Variants in TPP2 observed in about 807,000 individuals in gnomAD.
TPP2 encodes the protein tripeptidyl-peptidase 2.
TPP2 carries 34 observed loss-of-function variants against 155.9 expected under a neutral mutation model. The ratio of observed to expected loss-of-function variants is 0.22; its 90% CI spans 0.17 to 0.29. The LOEUF (loss-of-function observed/expected upper bound fraction) is 0.29, where lower values mean the gene tolerates loss of function less well. Among genes scored for constraint, TPP2 ranks in the 10% least tolerant of loss-of-function variants. The pLI is 1.00. For missense variants in TPP2, 1,028 were observed against 1,522.3 expected (o/e 0.68, Z 5.40); for synonymous variants, 510 against 529.4 (o/e 0.96, Z 0.50).
intron 16 of TPP2, among the ~76,000 whole-genome samples, chr13:102,642,209 A>G (rs991295109): frequency 6.6e-6 from 1 of 152,144 alleles, no homozygotes; most frequent in Non-Finnish European, 1.5e-5. Context: ...CTCACACTTG[A>G]CAGTACTTCT....
At chr13:102,638,899 T>C (rs1416085015) in intron 15 of TPP2, among the ~76,000 whole-genome samples, 1 of 152,218 alleles carries the variant, frequency 6.6e-6, no homozygotes, top group East Asian at 1.9e-4. Flanking sequence ...CTCACAATTA[T>C]AGCCCTAGCC....
intron 2 of TPP2, among the ~76,000 whole-genome samples, chr13:102,612,746 A>G (rs577917657): frequency 1.6e-4 from 25 of 152,270 alleles, no homozygotes; most frequent in African/African-American, 5.8e-4. Flanking sequence ...GCAGACTTTG[A>G]TCTCATTTAT....
In TPP2 at chr13:102,634,079, C is replaced by G. The variant is rs1255698456; in HGVS notation, c.1374C>G (p.Gly458=). ...TGTCTTCCCCCAATGCATGTGGAGG[C>G]ATTGCCCTGATCCTTTCAGGTAAGC... ...TSMSSPNACG[G]IALILSGLKA... is the part of the protein sequence containing the mutation. The change falls in exon 11 of 30, where the codon GGC becomes GGG. Residue 458 remains glycine (G), a synonymous_variant. Coordinates refer to ENST00000376052, the MANE Select transcript of TPP2 (RefSeq NM_001330588.2). 6.2e-7 allele frequency: 1 copy of G among 1,614,090 alleles called. No homozygotes were observed. The highest frequency in any genetic ancestry group is 8.5e-7 in the Non-Finnish European group (1 of 1,179,952).
At chr13:102,645,137 C>A in intron 19 of TPP2, 128 bp downstream of exon 19, 1 of 849,490 alleles carries the variant, frequency 1.2e-6, no homozygotes, top group Non-Finnish European at 1.8e-6. Context: ...TTATCCTTGC[C>A]AGCAGATCTC....
intron 27 of TPP2, 120 bp from the exon 28 acceptor site, chr13:102,674,153 GTACCTGGATA>G: frequency 1.1e-6 from 1 of 920,086 alleles, no homozygotes. Context: ...ACAATTGTAC[GTACCTGGATA>G]TACAGTATTT....
rs1881890530 is a variant in TPP2 at position 102,629,750 on chromosome 13, A to C, written c.1144+141A>C. On this transcript the variant is annotated intron_variant, in intron 9 of 29. Coordinates refer to ENST00000376052, the MANE Select transcript of TPP2 (RefSeq NM_001330588.2). ...GTCCTCAGGAAACTTATAGTCTGGT[A>C]GGGGAACCAGCACATCTAGAACTGA... 5.0e-6 allele frequency: 6 copies of C among 1,189,180 alleles called. No homozygotes were observed. The East Asian group carries it at 1.7e-4, about 34-fold the overall frequency. 73.7% of individuals were successfully genotyped at this position (1,189,180 alleles called of 1,614,324 possible). A position where few individuals can be genotyped will look rare whatever the true frequency, so the allele number is the denominator to read the frequency against.
At chr13:102,647,720 A>G (rs1345506872) in intron 21 of TPP2, among the ~76,000 whole-genome samples, 1 of 152,188 alleles carries the variant, frequency 6.6e-6, no homozygotes, top group Non-Finnish European at 1.5e-5. Flanking sequence ...TGAGGGGGCT[A>G]AAGAGAGCAC....
intron 18 of TPP2, 102 bp downstream of exon 18, chr13:102,644,775 T>A (rs1424208941): frequency 1.4e-6 from 2 of 1,406,590 alleles, no homozygotes; most frequent in African/African-American, 2.9e-5. Flanking sequence ...GGAAATTACC[T>A]GTGGTTCTGA....
intron 2 of TPP2, chr13:102,607,587 T>C: frequency 2.5e-6 from 1 of 406,266 alleles, no homozygotes; most frequent in Non-Finnish European, 5.0e-6. Flanking sequence ...CGAGCATTTA[T>C]TTATTTATAT....
chr13:102,670,422 C>T (rs554251664), intron 27 of TPP2, among the ~76,000 whole-genome samples: 1 of 152,284 alleles, frequency 6.6e-6, no homozygotes, highest in Non-Finnish European at 1.5e-5. Context: ...GTTTTACTAA[C>T]TAGCTGGGTA....
At chr13:102,640,075 C>A (rs1882651182) in intron 15 of TPP2, among the ~76,000 whole-genome samples, 195 bp from the exon 16 acceptor site, 1 of 152,016 alleles carries the variant, frequency 6.6e-6, no homozygotes. Context: ...ATCATCTATA[C>A]TCTGCTATTC....
intron 27 of TPP2, among the ~76,000 whole-genome samples, chr13:102,667,437 A>G (rs2139600902): frequency 6.6e-6 from 1 of 152,346 alleles, no homozygotes; most frequent in South Asian, 2.1e-4. Context: ...ACTCTTATGA[A>G]ACTTATCATC....
Position 102,644,659 on chromosome 13 carries a change from C to T in TPP2, c.2278C>T (p.Pro760Ser), listed in dbSNP as rs1290007022. 3.1e-6 allele frequency: 5 copies of T among 1,605,122 alleles called. No homozygotes were observed. The Admixed American group carries it at 6.9e-5, about 22-fold the overall frequency. ...ISFHGIVCTA[P>S]QLNIHASEGI... The stretch of plus-strand genomic sequence containing the variant: ...TTTCCATGGGATAGTGTGTACTGCT[C>T]CTCAGTTAAACATTGTAAGTTCCAC... Residue 760 changes from proline (P) to serine (S), a missense_variant, in exon 18 of 30, where the codon CCT becomes TCT. By Grantham distance (74) the Pro-to-Ser change is moderately conservative. Coordinates refer to ENST00000376052, the MANE Select transcript of TPP2 (RefSeq NM_001330588.2).
Position 102,614,205 on chromosome 13 carries a change from C to A in TPP2, c.390+9C>A. 6.3e-7 allele frequency: 1 copy of A among 1,587,896 alleles called. No homozygotes were observed. On this transcript the variant is annotated intron_variant, in intron 3 of 29. Transcript: ENST00000376052. ...TCAAGGAAAGGATACAGGTAATGTACAATCTGGTACCAATGAGTTGTATTC... is the reference window on the plus strand; with the variant it reads ...TCAAGGAAAGGATACAGGTAATGTAAAATCTGGTACCAATGAGTTGTATTC...
Position 102,598,386 on chromosome 13 carries a change from G to T in TPP2, c.165+1183G>T, listed in dbSNP as rs184509716. Among the ~76,000 whole-genome samples the T allele has an allele frequency of 1.6e-4, 25 of 152,254 alleles. No homozygotes were observed. The East Asian group carries it at 4.6e-3, about 28-fold the overall frequency. On this transcript the variant is annotated intron_variant, in intron 1 of 29. Coordinates refer to ENST00000376052, the MANE Select transcript of TPP2 (RefSeq NM_001330588.2). ...TGAGGTAGCATTTTGGAAGTAACGA[G>T]GGGGAGTCTGGCCGAATCTGCTTAG...
intron 2 of TPP2, 131 bp from the exon 3 acceptor site, chr13:102,613,970 G>A: frequency 1.5e-6 from 1 of 672,862 alleles, no homozygotes; most frequent in Non-Finnish European, 2.5e-6. Flanking sequence ...TAAACACGTT[G>A]TTGTACATGA....
intron 19 of TPP2, among the ~76,000 whole-genome samples, chr13:102,645,930 T>C (rs995053247): frequency 6.6e-6 from 1 of 152,246 alleles, no homozygotes; most frequent in Non-Finnish European, 1.5e-5. Context: ...AACACAGTAC[T>C]GTCAACAGTT....
At chr13:102,622,525 A>G (rs1271120433) in intron 5 of TPP2, among the ~76,000 whole-genome samples, 1 of 152,242 alleles carries the variant, frequency 6.6e-6, no homozygotes, top group Non-Finnish European at 1.5e-5. Context: ...TAAAAGAAGC[A>G]GCTGGAAGTT....
chr13:102,608,957 A>G (rs1220334472), intron 2 of TPP2, among the ~76,000 whole-genome samples: 1 of 152,220 alleles, frequency 6.6e-6, no homozygotes, highest in Non-Finnish European at 1.5e-5. Flanking sequence ...CTATAGGGTA[A>G]TGATAACATT....
Sources: allele counts gnomAD v4.1 joint callset (sites outside exome capture counted in the v4.1 genomes callset), GRCh38; gene constraint gnomAD v4.1.1; transcripts MANE v1.5; gene names NCBI Gene and HGNC (gene_info 2026-07-23, HGNC 2026-07-21).